Variants in NUDT7 observed in about 807,000 individuals in gnomAD.
The protein encoded by NUDT7 is peroxisomal coenzyme A diphosphatase NUDT7.
In NUDT7, 19 loss-of-function variants were observed where a neutral mutation model predicts 13.1. The observed-to-expected ratio is 1.45, with a 90% CI of 1.01 to 2.13. The LOEUF (loss-of-function observed/expected upper bound fraction) is 2.13, where lower values mean the gene tolerates loss of function less well. Ranked by LOEUF, NUDT7 falls within the 30% of genes most tolerant of loss-of-function variation. The pLI, the probability that NUDT7 is intolerant of heterozygous loss-of-function variation, is 0.00. For missense variants in NUDT7, 360 were observed against 291.7 expected, an observed-to-expected ratio of 1.23 and a Z score of -1.71; for synonymous variants, 132 against 109.7, an observed-to-expected ratio of 1.20 and a Z score of -1.27.
At chr16:77,724,810 G>A (rs1049153675) in intron 1 of NUDT7, among the ~76,000 whole-genome samples, 3 of 152,202 alleles carry the variant, frequency 2.0e-5, no homozygotes, top group African/African-American at 2.4e-5. Flanking sequence ...CCAAATGCTT[G>A]CATATTATTG....
chr16:77,735,491 G>T, intron 2 of NUDT7: 1 of 626,058 alleles, frequency 1.6e-6, no homozygotes, highest in Non-Finnish European at 2.9e-6. Context: ...CATGCTCCCT[G>T]TACGGCCTGC....
At chr16:77,738,140 C>T (rs1334750323) in intron 3 of NUDT7, among the ~76,000 whole-genome samples, 1 of 152,184 alleles carries the variant, frequency 6.6e-6, no homozygotes, top group Admixed American at 6.5e-5. Context: ...GAACTCTTTA[C>T]AGTTGATTTC....
intron 2 of NUDT7, among the ~76,000 whole-genome samples, chr16:77,728,313 A>G (rs2014206255): frequency 6.6e-6 from 1 of 152,054 alleles, no homozygotes; most frequent in Non-Finnish European, 1.5e-5. Context: ...GCTCACTGCA[A>G]CCTCCGCCTC....
intron 1 of NUDT7, 110 bp downstream of exon 1, chr16:77,722,727 TC>T: frequency 9.7e-7 from 1 of 1,030,784 alleles, no homozygotes; most frequent in Non-Finnish European, 1.5e-6. Flanking sequence ...CTCCCGCCAG[TC>T]CACCTGCGAG....
intron 2 of NUDT7, among the ~76,000 whole-genome samples, chr16:77,727,232 A>G (rs1567426857): frequency 6.6e-6 from 1 of 152,338 alleles, no homozygotes; most frequent in East Asian, 1.9e-4. Context: ...GCTGTGGGGA[A>G]CTTCCAAGGA....
In NUDT7 at chr16:77,732,137, G is replaced by C. The variant is rs1470959154; in HGVS notation, c.190-3691G>C. Among the ~76,000 whole-genome samples, 6 of 152,026 alleles carry C rather than the reference G, an allele frequency of 3.9e-5. No homozygotes were observed. In the East Asian group the frequency reaches 1.2e-3, roughly 29 times the overall value. ...GAGGTCAGGAGTTCGAGACCAGCCTGGCCAACATGGCCAAACCTCATCTCT... is the reference window on the plus strand; with the variant it reads ...GAGGTCAGGAGTTCGAGACCAGCCTCGCCAACATGGCCAAACCTCATCTCT... On this transcript the variant is annotated intron_variant, in intron 2 of 3. Transcript: ENST00000268533.
rs953236717 is a variant in NUDT7, at chr16:77,735,734, G to C, written c.190-94G>C. On this transcript the variant is annotated intron_variant, in intron 2 of 3. Coordinates refer to ENST00000268533, the MANE Select transcript of NUDT7 (RefSeq NM_001105663.3). Reference sequence around the variant, plus strand: ...CACCACCTGGGTAAGAATGGTCTCTGGTACAAAATAGAAGTCCAGTAAGTA... The same window carrying C: ...CACCACCTGGGTAAGAATGGTCTCTCGTACAAAATAGAAGTCCAGTAAGTA... 9 of 1,160,220 alleles carry C rather than the reference G, an allele frequency of 7.8e-6. No homozygotes were observed. In the South Asian group the frequency reaches 1.3e-4, roughly 17 times the overall value. 71.9% of individuals were successfully genotyped at this position (1,160,220 alleles called of 1,614,324 possible).
intron 3 of NUDT7, among the ~76,000 whole-genome samples, chr16:77,739,046 A>G (rs1215210354): frequency 6.6e-6 from 1 of 152,244 alleles, no homozygotes. Flanking sequence ...AGCAGCAACC[A>G]CGAATATTTA....
At chr16:77,731,205 A>G (rs2014308003) in intron 2 of NUDT7, among the ~76,000 whole-genome samples, 1 of 152,194 alleles carries the variant, frequency 6.6e-6, no homozygotes, top group Admixed American at 6.6e-5. Context: ...ATCCAAAATG[A>G]TCTTTTCCAA....
intron 2 of NUDT7, among the ~76,000 whole-genome samples, chr16:77,727,091 C>G (rs376343733): frequency 6.6e-6 from 1 of 152,064 alleles, no homozygotes; most frequent in Non-Finnish European, 1.5e-5. Flanking sequence ...GAAATCTGCC[C>G]CTGTGATCCA....
At chr16:77,725,885 A>T (rs1235717311) in intron 2 of NUDT7, among the ~76,000 whole-genome samples, 1 of 152,214 alleles carries the variant, frequency 6.6e-6, no homozygotes, top group African/African-American at 2.4e-5. Context: ...TGTCCTGTAT[A>T]ATGTGGTGTG....
chr16:77,734,799 G>A (rs975459390), intron 2 of NUDT7, among the ~76,000 whole-genome samples: 11 of 152,054 alleles, frequency 7.2e-5, no homozygotes, highest in South Asian at 2.1e-4. Flanking sequence ...CACAAAAGTC[G>A]AGACTAGGTA....
At chr16:77,730,124 C>T (rs545648189) in intron 2 of NUDT7, among the ~76,000 whole-genome samples, 43 of 152,302 alleles carry the variant, frequency 2.8e-4, no homozygotes, top group African/African-American at 9.9e-4. Flanking sequence ...CTCACATAGT[C>T]ATCATCTTTG....
intron 2 of NUDT7, among the ~76,000 whole-genome samples, chr16:77,730,108 T>C (rs573564723): frequency 1.3e-5 from 2 of 152,320 alleles, no homozygotes; most frequent in South Asian, 2.1e-4. Flanking sequence ...ACACATAACA[T>C]ACTATCTCAC....
chr16:77,724,642 A>G (rs1274136553), intron 1 of NUDT7, among the ~76,000 whole-genome samples: 1 of 152,150 alleles, frequency 6.6e-6, no homozygotes, highest in Non-Finnish European at 1.5e-5. Context: ...AAAAGATCCT[A>G]TTTCTGAATA....
intron 2 of NUDT7, chr16:77,735,602 T>C (rs542031972): frequency 3.4e-6 from 2 of 586,320 alleles, no homozygotes; most frequent in Non-Finnish European, 6.1e-6. Flanking sequence ...GTGTGGTATC[T>C]TTTGGGGACA....
intron 3 of NUDT7, among the ~76,000 whole-genome samples, chr16:77,738,974 G>C (rs1429808336): frequency 6.6e-6 from 1 of 152,198 alleles, no homozygotes; most frequent in Non-Finnish European, 1.5e-5. Context: ...TCAGATTGTT[G>C]TAAGGAATCA....
At chr16:77,734,261 C>G (rs1272311811) in intron 2 of NUDT7, among the ~76,000 whole-genome samples, 1 of 152,132 alleles carries the variant, frequency 6.6e-6, no homozygotes, top group East Asian at 1.9e-4. Flanking sequence ...ACTGAGTGAA[C>G]TTGGTCAGGT....
chr16:77,725,612 T>A (rs577131257), intron 2 of NUDT7, 28 bp downstream of exon 2: 4 of 1,609,540 alleles, frequency 2.5e-6, no homozygotes, highest in Non-Finnish European at 3.4e-6. Flanking sequence ...TTCCTGCCCT[T>A]AAACCTCAGG....
Sources: allele counts gnomAD v4.1 joint callset (sites outside exome capture counted in the v4.1 genomes callset), GRCh38; gene constraint gnomAD v4.1.1; transcripts MANE v1.5; gene names NCBI Gene and HGNC (gene_info 2026-07-23, HGNC 2026-07-21).